Variants in PDE1C observed in about 807,000 individuals in gnomAD.
PDE1C encodes the protein dual specificity calcium/calmodulin-dependent 3',5'-cyclic nucleotide phosphodiesterase 1C.
A neutral mutation model predicts 93.1 loss-of-function variants in PDE1C; 62 were observed. That is an observed-to-expected ratio of 0.67 (90% CI 0.54 to 0.82). The LOEUF (loss-of-function observed/expected upper bound fraction) is 0.82, where lower values mean the gene tolerates loss of function less well. Among genes scored for constraint, PDE1C ranks in the 40% least tolerant of loss-of-function variants. The pLI, the probability that PDE1C is intolerant of heterozygous loss-of-function variation, is 0.00. For missense variants in PDE1C, 742 were observed against 884.6 expected (o/e 0.84, Z 2.04); for synonymous variants, 325 against 310.1 (o/e 1.05, Z -0.50).
chr7:31,923,445 A>T (rs908519944), intron 2 of PDE1C, among the ~76,000 whole-genome samples: 17 of 152,236 alleles, frequency 1.1e-4, no homozygotes, highest in Admixed American at 6.5e-5. Flanking sequence ...TCTAAGGTAT[A>T]GCCAGAGTTG....
At chr7:32,408,261 T>C (rs915323841) in intron 1 of PDE1C, among the ~76,000 whole-genome samples, 1 of 152,144 alleles carries the variant, frequency 6.6e-6, no homozygotes, top group Non-Finnish European at 1.5e-5. Context: ...ACTGCTACAC[T>C]CACAATCTTG....
intron 3 of PDE1C, among the ~76,000 whole-genome samples, chr7:32,156,784 G>A (rs1002471764): frequency 6.6e-6 from 1 of 152,230 alleles, no homozygotes; most frequent in Non-Finnish European, 1.5e-5. Context: ...GTGCCATTAA[G>A]TGATGCTAGA....
intron 2 of PDE1C, among the ~76,000 whole-genome samples, chr7:31,918,091 T>C (rs1162986666): frequency 1.3e-5 from 2 of 152,198 alleles, no homozygotes; most frequent in Non-Finnish European, 2.9e-5. Flanking sequence ...TAAATTTATT[T>C]ATTGATTTAT....
intron 1 of PDE1C, among the ~76,000 whole-genome samples, chr7:32,409,099 G>A (rs186457711): frequency 6.6e-6 from 1 of 152,290 alleles, no homozygotes; most frequent in Non-Finnish European, 1.5e-5. Flanking sequence ...CAGGCATAGT[G>A]GCTCATGCCT....
intron 1 of PDE1C, among the ~76,000 whole-genome samples, chr7:32,291,299 C>A (rs150368340): frequency 1.2e-4 from 18 of 152,324 alleles, no homozygotes; most frequent in Non-Finnish European, 2.5e-4. Context: ...CAAGCAGGAT[C>A]CAGGTTAGAT....
At chr7:31,827,105 A>G (rs1160238038) in intron 12 of PDE1C, among the ~76,000 whole-genome samples, 1 of 152,186 alleles carries the variant, frequency 6.6e-6, no homozygotes, top group Non-Finnish European at 1.5e-5. Context: ...AACACATGCT[A>G]TTATTAACAC....
chr7:31,969,555 T>C (rs566772647), intron 2 of PDE1C, among the ~76,000 whole-genome samples: 16 of 152,200 alleles, frequency 1.1e-4, no homozygotes, highest in Non-Finnish European at 2.1e-4. Flanking sequence ...GACTGTAAAC[T>C]AGTTCAACCA....
intron 1 of PDE1C, among the ~76,000 whole-genome samples, chr7:32,342,777 G>C (rs1206544633): frequency 6.6e-6 from 1 of 152,136 alleles, no homozygotes; most frequent in African/African-American, 2.4e-5. Context: ...TCATAGAGTT[G>C]TTATGAGGCT....
At chr7:32,207,249 G>A (rs971966795) in intron 2 of PDE1C, among the ~76,000 whole-genome samples, 4 of 151,232 alleles carry the variant, frequency 2.6e-5, no homozygotes, top group East Asian at 2.0e-4. Flanking sequence ...ACCCGCCCCC[G>A]CCAATCCCCG....
At chr7:31,940,589 TC>T (rs987159706) in intron 2 of PDE1C, among the ~76,000 whole-genome samples, 2 of 152,066 alleles carry the variant, frequency 1.3e-5, no homozygotes, top group African/African-American at 4.8e-5. Context: ...TCTGGGGACC[TC>T]CCAGAACCCA....
chr7:31,721,827 AAAGG>A, the PDE1C span, among the ~76,000 whole-genome samples: 1 of 152,216 alleles, frequency 6.6e-6, no homozygotes, highest in African/African-American at 2.4e-5. Context: ...GGCTGAACCT[AAAGG>A]GGCTGGAAGG....
At chr7:32,228,011 G>A (rs1461832839) in intron 1 of PDE1C, among the ~76,000 whole-genome samples, 1 of 152,208 alleles carries the variant, frequency 6.6e-6, no homozygotes, top group Admixed American at 6.5e-5. Flanking sequence ...TATCTCAAAT[G>A]TGATCTCATG....
At chr7:32,188,025 C>T (rs960006508) in intron 2 of PDE1C, among the ~76,000 whole-genome samples, 92 of 152,078 alleles carry the variant, frequency 6.0e-4, no homozygotes, top group African/African-American at 2.1e-3. Context: ...TAATGAGATA[C>T]ACAAGAACAA....
chr7:32,224,386 T>G (rs1430548418), intron 1 of PDE1C, among the ~76,000 whole-genome samples: 2 of 150,582 alleles, frequency 1.3e-5, no homozygotes, highest in African/African-American at 4.9e-5. Flanking sequence ...AAAAAAAGAC[T>G]GCAGGCTTTA....
chr7:31,782,978 G>C, intron 16 of PDE1C, among the ~76,000 whole-genome samples: 1 of 152,168 alleles, frequency 6.6e-6, no homozygotes, highest in East Asian at 1.9e-4. Flanking sequence ...CATATTAAAT[G>C]CATTTTCGAC....
intron 1 of PDE1C, among the ~76,000 whole-genome samples, chr7:32,267,587 CTCTCTCTCTCTCT>C (rs1810689093): frequency 1.2e-4 from 1 of 8,494 alleles, no homozygotes; most frequent in African/African-American, 2.1e-4. Context: ...CACACACACA[CTCTCTCTCTCTCT>C]CTCTCTCTCT....
upstream of PDE1C, among the ~76,000 whole-genome samples, chr7:32,303,199 T>C (rs1309125764): frequency 1.3e-5 from 2 of 152,234 alleles, no homozygotes; most frequent in African/African-American, 4.8e-5. Flanking sequence ...ACTACCCTTA[T>C]ACTATACAGT....
intron 2 of PDE1C, among the ~76,000 whole-genome samples, chr7:32,027,397 G>A (rs1311675636): frequency 6.6e-6 from 1 of 151,876 alleles, no homozygotes; most frequent in African/African-American, 2.4e-5. Flanking sequence ...TCAAAAATAT[G>A]TTGACATGCA....
intron 1 of PDE1C, among the ~76,000 whole-genome samples, chr7:32,357,306 C>T (rs143434265): frequency 0.018 from 2,671 of 150,802 alleles, 97 homozygotes; most frequent in African/African-American, 0.063. Context: ...TGCACTCCAA[C>T]CTGGGCAACA....
Sources: allele counts gnomAD v4.1 joint callset (sites outside exome capture counted in the v4.1 genomes callset), GRCh38; gene constraint gnomAD v4.1.1; transcripts MANE v1.5; gene names NCBI Gene and HGNC (gene_info 2026-07-23, HGNC 2026-07-21).